IQCM: variants seen among roughly 807,000 people sequenced by gnomAD.
IQCM encodes the protein IQ domain-containing protein M.
IQCM carries 45 observed loss-of-function variants against 57.6 expected under a neutral mutation model. The ratio of observed to expected loss-of-function variants is 0.78; its 90% CI spans 0.62 to 1.00. The LOEUF is 1.00. Among genes scored for constraint, IQCM ranks in the 50% least tolerant of loss-of-function variants. IQCM has a pLI of 0.00. For synonymous variants in IQCM, 148 were observed against 158.9 expected (o/e 0.93, Z 0.51); for missense variants, 468 against 511.6 (o/e 0.91, Z 0.82).
chr4:149,472,133 A>G (rs915774624), intron 12 of IQCM, among the ~76,000 whole-genome samples: 1 of 152,154 alleles, frequency 6.6e-6, no homozygotes, highest in African/African-American at 2.4e-5. Context: ...CAATCAGGCA[A>G]GAGAAAGAAA....
At chr4:149,547,254 T>C (rs1001082320) in intron 12 of IQCM, among the ~76,000 whole-genome samples, 3 of 152,192 alleles carry the variant, frequency 2.0e-5, no homozygotes, top group Admixed American at 6.5e-5. Flanking sequence ...TCAGGTAGCA[T>C]GATGCCTCCA....
chr4:149,572,158 G>A (rs1751219512), intron 9 of IQCM, among the ~76,000 whole-genome samples: 1 of 152,016 alleles, frequency 6.6e-6, no homozygotes, highest in East Asian at 1.9e-4. Context: ...CACATTCCAA[G>A]AATAGTAATA....
chr4:149,491,857 A>G (rs1325689611), intron 12 of IQCM, among the ~76,000 whole-genome samples: 2 of 151,996 alleles, frequency 1.3e-5, no homozygotes. Flanking sequence ...GGCCATACTA[A>G]TTTATATCTC....
At chr4:149,744,074 A>G (rs1767702821) in intron 2 of IQCM, among the ~76,000 whole-genome samples, 2 of 152,224 alleles carry the variant, frequency 1.3e-5, no homozygotes, top group East Asian at 3.8e-4. Flanking sequence ...TATGAAAGTC[A>G]GGACCCTGTA....
chr4:149,562,152 T>C (rs573036095), intron 10 of IQCM, among the ~76,000 whole-genome samples: 47 of 152,306 alleles, frequency 3.1e-4, no homozygotes, highest in African/African-American at 1.1e-3. Context: ...GTAAGCAATA[T>C]AGGTCTTCAA....
chr4:149,716,649 T>C (rs1037302009), intron 5 of IQCM, among the ~76,000 whole-genome samples: 2 of 152,182 alleles, frequency 1.3e-5, no homozygotes, highest in African/African-American at 4.8e-5. Context: ...CCGCTCCAGA[T>C]GGGCTGCTGC....
chr4:149,454,167 TACACAC>T (rs200120358), intron 12 of IQCM, among the ~76,000 whole-genome samples: 13 of 144,056 alleles, frequency 9.0e-5, no homozygotes, highest in South Asian at 2.2e-4. Context: ...TATATATATA[TACACAC>T]ACACACACAC....
chr4:149,654,457 C>T (rs113034678), intron 7 of IQCM, among the ~76,000 whole-genome samples: 7 of 152,246 alleles, frequency 4.6e-5, no homozygotes, highest in African/African-American at 1.7e-4. Context: ...CTCTCTGTTG[C>T]CCCTGCTTTT....
At chr4:149,811,841 C>T (rs1774595612) in intron 2 of IQCM, among the ~76,000 whole-genome samples, 2 of 152,204 alleles carry the variant, frequency 1.3e-5, no homozygotes, top group African/African-American at 4.8e-5. Context: ...TAACAGACTA[C>T]TTAACCCTCC....
At chr4:149,492,120 T>C (rs547425444) in intron 12 of IQCM, among the ~76,000 whole-genome samples, 3 of 152,226 alleles carry the variant, frequency 2.0e-5, no homozygotes, top group Admixed American at 2.0e-4. Flanking sequence ...TTTCAAATTC[T>C]TGAGGTGACC....
chr4:149,743,876 C>G (rs1404948883), intron 2 of IQCM, among the ~76,000 whole-genome samples: 1 of 152,160 alleles, frequency 6.6e-6, no homozygotes, highest in Non-Finnish European at 1.5e-5. Context: ...ACTACATGCT[C>G]AAATGGCTTT....
intron 12 of IQCM, among the ~76,000 whole-genome samples, chr4:149,440,650 A>G (rs537873848): frequency 6.6e-6 from 1 of 152,272 alleles, no homozygotes; most frequent in East Asian, 1.9e-4. Context: ...TTCAAGAGGC[A>G]AAAGTAATAC....
At chr4:149,552,117 CAA>C (rs1009505836) in intron 11 of IQCM, among the ~76,000 whole-genome samples, 1 of 152,158 alleles carries the variant, frequency 6.6e-6, no homozygotes, top group African/African-American at 2.4e-5. Flanking sequence ...TATTCTAACT[CAA>C]AGAGTTCTGG....
chr4:149,687,874 A>G (rs1327669325), intron 5 of IQCM, among the ~76,000 whole-genome samples: 1 of 152,066 alleles, frequency 6.6e-6, no homozygotes, highest in African/African-American at 2.4e-5. Flanking sequence ...ATAGATGCAG[A>G]AAAAGCATTT....
At chr4:149,659,510 C>T (rs1171769569) in intron 7 of IQCM, among the ~76,000 whole-genome samples, 1 of 152,082 alleles carries the variant, frequency 6.6e-6, no homozygotes, top group African/African-American at 2.4e-5. Context: ...CAAAAAAGAG[C>T]CCGCATCGCC....
At chr4:149,415,621 C>A (rs575151234) in intron 13 of IQCM, among the ~76,000 whole-genome samples, 1 of 152,054 alleles carries the variant, frequency 6.6e-6, no homozygotes, top group African/African-American at 2.4e-5. Context: ...GCAATGTTCA[C>A]CCTACATCTA....
chr4:149,470,816 A>C (rs993660020), intron 12 of IQCM, among the ~76,000 whole-genome samples: 1 of 152,160 alleles, frequency 6.6e-6, no homozygotes, highest in African/African-American at 2.4e-5. Flanking sequence ...TAAGAAACTC[A>C]CTCAAAACCA....
intron 2 of IQCM, among the ~76,000 whole-genome samples, chr4:149,789,564 C>A (rs115110191): frequency 0.022 from 3,408 of 152,258 alleles, 65 homozygotes; most frequent in South Asian, 0.036. Flanking sequence ...TCATGTCTGT[C>A]ATCCAAGCAC....
chr4:149,562,764 T>C (rs897298047), intron 10 of IQCM, among the ~76,000 whole-genome samples: 1 of 152,324 alleles, frequency 6.6e-6, no homozygotes, highest in Admixed American at 6.5e-5. Flanking sequence ...GTGATTCCCA[T>C]ACATATTAAT....
Sources: gnomAD v4.1 joint callset for allele counts (sites outside exome capture counted in the v4.1 genomes callset) on GRCh38, gnomAD v4.1.1 for gene constraint, MANE v1.5 for transcripts, NCBI Gene and HGNC (gene_info 2026-07-23, HGNC 2026-07-21) for gene names.